The following ASAP1 variants were observed in gnomAD, a reference collection of about 807,000 sequenced individuals.
The protein encoded by ASAP1 is ArfGAP with SH3 domain, ankyrin repeat and PH domain 1.
Under a neutral mutation model 145.2 loss-of-function variants are expected in ASAP1, and 43 were observed. The observed-to-expected ratio is 0.30, with a 90% CI of 0.23 to 0.38. ASAP1 has a LOEUF of 0.38. ASAP1 is among the 10% of genes least tolerant of loss of function. The pLI is 1.00. For synonymous variants in ASAP1, 546 were observed against 515.5 expected (o/e 1.06, Z -0.80); for missense variants, 1,018 against 1,355.3 (o/e 0.75, Z 3.91).
chr8:130,225,400 T>C (rs1817531016), intron 4 of ASAP1, among the ~76,000 whole-genome samples: 1 of 152,248 alleles, frequency 6.6e-6, no homozygotes, highest in Admixed American at 6.5e-5. Flanking sequence ...TATTTGTTTA[T>C]ATAGCACAGG....
chr8:130,073,648 G>T (rs2097455233), intron 27 of ASAP1, among the ~76,000 whole-genome samples: 1 of 152,160 alleles, frequency 6.6e-6, no homozygotes, highest in Non-Finnish European at 1.5e-5. Context: ...GGGAGAAGCA[G>T]TGACTGTGCC....
At chr8:130,399,714 C>T (rs12678030) in intron 2 of ASAP1, among the ~76,000 whole-genome samples, 48,820 of 151,794 alleles carry the variant, frequency 0.32, 8,654 homozygotes, top group African/African-American at 0.46. Context: ...TTATGTAAAA[C>T]ACTTTACATT....
intron 3 of ASAP1, among the ~76,000 whole-genome samples, chr8:130,347,592 C>T (rs1371012105): frequency 6.6e-6 from 1 of 152,198 alleles, no homozygotes; most frequent in African/African-American, 2.4e-5. Flanking sequence ...CTACTCTCCT[C>T]TGAGGACCAC....
intron 5 of ASAP1, among the ~76,000 whole-genome samples, chr8:130,203,534 C>T (rs761273175): frequency 6.6e-6 from 1 of 152,180 alleles, no homozygotes; most frequent in Non-Finnish European, 1.5e-5. Flanking sequence ...AGGAGAGACT[C>T]AGGCAACATT....
intron 3 of ASAP1, among the ~76,000 whole-genome samples, chr8:130,279,450 T>C (rs1821124282): frequency 6.6e-6 from 1 of 152,174 alleles, no homozygotes; most frequent in Non-Finnish European, 1.5e-5. Context: ...AATCCACTTC[T>C]GCAGAGATAG....
chr8:130,393,861 T>C, intron 2 of ASAP1, among the ~76,000 whole-genome samples: 1 of 152,218 alleles, frequency 6.6e-6, no homozygotes, highest in East Asian at 1.9e-4. Flanking sequence ...AATTAATACT[T>C]TTATAATTTC....
intron 27 of ASAP1, among the ~76,000 whole-genome samples, chr8:130,074,640 G>A (rs534477693): frequency 2.6e-5 from 4 of 152,284 alleles, no homozygotes; most frequent in Admixed American, 6.5e-5. Context: ...GTCCCCGAGG[G>A]GGTGGGAGGG....
intron 12 of ASAP1, among the ~76,000 whole-genome samples, chr8:130,156,309 A>C (rs1193501849): frequency 3.3e-5 from 5 of 152,086 alleles, no homozygotes; most frequent in African/African-American, 1.2e-4. Flanking sequence ...GTCACAAGCA[A>C]CTCCAGGTTA....
At position 130,276,728 on chromosome 8, in the gene ASAP1, A is replaced by ACACTCTCT. The variant is rs548512902; in HGVS notation, c.187-39735_187-39734insAGAGAGTG. Reference sequence around the variant, plus strand: ...CACACACACACACACACACACACACACTCTCTCTCTCTCTCTCTCTCTCTC... The same window carrying ACACTCTCT: ...CACACACACACACACACACACACACACACTCTCTCTCTCTCTCTCTCTCTCTCTCTCTC... On this transcript the variant is annotated intron_variant, in intron 3 of 29. Transcript: ENST00000518721. 7.7e-3 allele frequency among the ~76,000 whole-genome samples: 670 copies of ACACTCTCT among 87,232 alleles called. 9 individuals are homozygous for ACACTCTCT. The highest frequency in any genetic ancestry group is 0.021 in the African/African-American group (485 of 22,650). 57.2% of individuals were successfully genotyped at this position (87,232 alleles called of 152,430 possible). A position where few individuals can be genotyped will look rare whatever the true frequency, so the allele number is the denominator to read the frequency against.
chr8:130,411,249 C>T (rs1829252758), intron 1 of ASAP1, among the ~76,000 whole-genome samples: 1 of 152,178 alleles, frequency 6.6e-6, no homozygotes, highest in African/African-American at 2.4e-5. Context: ...CATTACAGGC[C>T]AGGTGCATCT....
At chr8:130,122,384 T>C (rs1460244899) in intron 18 of ASAP1, among the ~76,000 whole-genome samples, 1 of 152,206 alleles carries the variant, frequency 6.6e-6, no homozygotes, top group Non-Finnish European at 1.5e-5. Flanking sequence ...AACTGCATGT[T>C]ACAAGAGGTT....
intron 2 of ASAP1, among the ~76,000 whole-genome samples, chr8:130,379,794 G>A (rs553874555): frequency 3.3e-5 from 5 of 152,286 alleles, no homozygotes; most frequent in Non-Finnish European, 7.4e-5. Context: ...CAAGAGGCCA[G>A]TGCTCATCAG....
intron 2 of ASAP1, among the ~76,000 whole-genome samples, chr8:130,373,673 A>T (rs549386007): frequency 6.6e-6 from 1 of 151,984 alleles, no homozygotes; most frequent in East Asian, 1.9e-4. Flanking sequence ...ACATGGTGAA[A>T]CCCTGTCCCT....
intron 24 of ASAP1, among the ~76,000 whole-genome samples, chr8:130,094,099 T>C (rs2097511951): frequency 1.3e-5 from 2 of 152,208 alleles, no homozygotes; most frequent in South Asian, 4.1e-4. Flanking sequence ...AACTATTTTA[T>C]TTTTGTAACA....
chr8:130,097,434 G>A (rs1183073543), intron 24 of ASAP1, among the ~76,000 whole-genome samples: 1 of 152,098 alleles, frequency 6.6e-6, no homozygotes, highest in African/African-American at 2.4e-5. Flanking sequence ...CTATGCCTGG[G>A]TCCCTTCCCA....
intron 3 of ASAP1, among the ~76,000 whole-genome samples, chr8:130,339,718 G>A (rs879309412): frequency 3.3e-5 from 5 of 152,188 alleles, no homozygotes; most frequent in Admixed American, 1.3e-4. Context: ...GTCTGGTTCT[G>A]TGCCCTGAAG....
intron 3 of ASAP1, among the ~76,000 whole-genome samples, chr8:130,333,605 A>AAAAAC (rs1197297653): frequency 6.6e-5 from 10 of 152,196 alleles, no homozygotes; most frequent in Non-Finnish European, 8.8e-5. Context: ...ACTCCGTCTC[A>AAAAAC]AAAACAAAAC....
At chr8:130,414,078 G>A (rs143807298) in intron 1 of ASAP1, among the ~76,000 whole-genome samples, 197 of 152,324 alleles carry the variant, frequency 1.3e-3, no homozygotes, top group African/African-American at 4.4e-3. Flanking sequence ...ATAGTGAGTG[G>A]CTTCATGGGG....
intron 3 of ASAP1, among the ~76,000 whole-genome samples, chr8:130,238,722 C>G (rs1818356778): frequency 6.6e-6 from 1 of 152,086 alleles, no homozygotes; most frequent in Admixed American, 6.6e-5. Context: ...AGTAGACCTT[C>G]AATAAATATT....
Sources: allele counts gnomAD v4.1 joint callset (sites outside exome capture counted in the v4.1 genomes callset), GRCh38; gene constraint gnomAD v4.1.1; transcripts MANE v1.5; gene names NCBI Gene and HGNC (gene_info 2026-07-23, HGNC 2026-07-21).